Variants in OPCML observed in about 807,000 individuals in gnomAD.
OPCML encodes opioid binding protein/cell adhesion molecule like, also known as opioid-binding protein/cell adhesion molecule.
Under a neutral mutation model 37.8 loss-of-function variants are expected in OPCML, and 13 were observed. That is an observed-to-expected ratio of 0.34 (90% confidence interval 0.22 to 0.55). The LOEUF is 0.55. OPCML is among the 20% of genes least tolerant of loss of function. OPCML has a pLI of 0.91. For missense variants in OPCML, 341 were observed against 435.6 expected (o/e 0.78, Z 1.93); for synonymous variants, 176 against 168.8 (o/e 1.04, Z -0.33).
At chr11:133,236,420 A>G (rs1220142721) in intron 1 of OPCML, among the ~76,000 whole-genome samples, 1 of 152,168 alleles carries the variant, frequency 6.6e-6, no homozygotes, top group African/African-American at 2.4e-5. Flanking sequence ...ATTGACCATG[A>G]GTATCCCAAG....
chr11:132,565,432 A>G (rs1297875898), intron 3 of OPCML, among the ~76,000 whole-genome samples: 1 of 152,322 alleles, frequency 6.6e-6, no homozygotes, highest in Middle Eastern at 3.4e-3. Flanking sequence ...GTTAGCTTTC[A>G]CATGACTCCA....
chr11:132,526,670 A>T (rs1940018), intron 4 of OPCML, among the ~76,000 whole-genome samples: 62,455 of 152,016 alleles, frequency 0.41, 14,912 homozygotes, highest in Non-Finnish European at 0.55. Flanking sequence ...AATGACATAA[A>T]TAATGTTCCA....
intron 4 of OPCML, among the ~76,000 whole-genome samples, chr11:132,462,658 T>C (rs1231800954): frequency 1.3e-5 from 2 of 152,222 alleles, no homozygotes; most frequent in Non-Finnish European, 2.9e-5. Context: ...TCAATTACAT[T>C]GCATAACCTC....
chr11:133,257,152 T>C (rs1050120522), intron 1 of OPCML, among the ~76,000 whole-genome samples: 3 of 152,178 alleles, frequency 2.0e-5, no homozygotes, highest in Non-Finnish European at 4.4e-5. Context: ...ACTTAACTGT[T>C]AAAGTAAAGA....
At chr11:132,856,105 T>A (rs990245696) in intron 2 of OPCML, among the ~76,000 whole-genome samples, 1 of 152,242 alleles carries the variant, frequency 6.6e-6, no homozygotes, top group African/African-American at 2.4e-5. Flanking sequence ...TTAATCTCTT[T>A]GAGCTAATAG....
chr11:132,522,792 T>G (rs1318852724), intron 4 of OPCML, among the ~76,000 whole-genome samples: 2 of 152,192 alleles, frequency 1.3e-5, no homozygotes, highest in Non-Finnish European at 2.9e-5. Flanking sequence ...AACACCACCA[T>G]CCAACAGGGA....
At chr11:133,374,455 G>A (rs1363581516) in intron 1 of OPCML, among the ~76,000 whole-genome samples, 4 of 152,160 alleles carry the variant, frequency 2.6e-5, no homozygotes, top group Non-Finnish European at 4.4e-5. Context: ...GTTTAAATAC[G>A]TGTAGTCTAT....
intron 2 of OPCML, among the ~76,000 whole-genome samples, chr11:132,741,144 G>A (rs1945421724): frequency 6.6e-6 from 1 of 152,040 alleles, no homozygotes; most frequent in African/African-American, 2.4e-5. Context: ...AGTATATCCT[G>A]AGCCTGACAG....
chr11:132,900,284 G>A (rs35966624), intron 2 of OPCML, among the ~76,000 whole-genome samples: 39,344 of 151,908 alleles, frequency 0.26, 5,406 homozygotes, highest in East Asian at 0.35. Flanking sequence ...AAAAAATGGG[G>A]TGTCATCCTT....
intron 1 of OPCML, among the ~76,000 whole-genome samples, chr11:133,330,117 A>G (rs1327363384): frequency 6.6e-6 from 1 of 152,258 alleles, no homozygotes; most frequent in Non-Finnish European, 1.5e-5. Context: ...AGAGAAATGC[A>G]AGTCAAAACC....
chr11:133,228,327 A>G lies in OPCML; in HGVS notation c.62-285317T>C, dbSNP rs1244336604. Among the ~76,000 whole-genome samples the G allele has an allele frequency of 3.9e-5, 6 of 152,172 alleles. No individual in the cohort carries two copies. In the South Asian group the frequency reaches 1.0e-3, roughly 26 times the overall value. ...GTTTTACAGACAGAAACAGTTGGAAACCTGGAGGCCGAGGTTCATAAAGGT... is the reference window on the plus strand; with the variant it reads ...GTTTTACAGACAGAAACAGTTGGAAGCCTGGAGGCCGAGGTTCATAAAGGT... On this transcript the variant is annotated intron_variant, in intron 1 of 7. Coordinates refer to ENST00000524381, the MANE Select transcript of OPCML (RefSeq NM_001012393.5).
intron 1 of OPCML, among the ~76,000 whole-genome samples, chr11:133,233,377 A>G (rs1940366473): frequency 6.6e-6 from 1 of 152,180 alleles, no homozygotes; most frequent in Non-Finnish European, 1.5e-5. Context: ...CTTTCTGTCT[A>G]CGAGCAGGGC....
chr11:132,428,772 C>T (rs947507700), intron 7 of OPCML, among the ~76,000 whole-genome samples: 1 of 152,190 alleles, frequency 6.6e-6, no homozygotes, highest in Admixed American at 6.5e-5. Flanking sequence ...GCTCTAGGCT[C>T]TTCTTCTGTC....
chr11:133,083,795 G>A (rs1948777857), intron 1 of OPCML, among the ~76,000 whole-genome samples: 1 of 152,238 alleles, frequency 6.6e-6, no homozygotes, highest in Non-Finnish European at 1.5e-5. Flanking sequence ...TGGGCTGTGA[G>A]CGCGAGGACA....
At chr11:132,709,321 A>C (rs3018394) in intron 2 of OPCML, among the ~76,000 whole-genome samples, 89,959 of 151,822 alleles carry the variant, frequency 0.59, 26,977 homozygotes, top group Admixed American at 0.64. Flanking sequence ...TGCAACGATA[A>C]TACAGGGTGC....
chr11:133,044,299 G>T (rs1947963490), intron 1 of OPCML, among the ~76,000 whole-genome samples: 1 of 152,308 alleles, frequency 6.6e-6, no homozygotes, highest in Admixed American at 6.5e-5. Context: ...TCGAGGCAAA[G>T]GATTTCTGTA....
At chr11:132,513,400 G>C (rs2096273085) in intron 4 of OPCML, among the ~76,000 whole-genome samples, 1 of 152,048 alleles carries the variant, frequency 6.6e-6, no homozygotes, top group African/African-American at 2.4e-5. Context: ...TTGAAGATTT[G>C]AATACAGATT....
At chr11:132,542,429 C>T (rs2096358951) in intron 3 of OPCML, among the ~76,000 whole-genome samples, 1 of 152,130 alleles carries the variant, frequency 6.6e-6, no homozygotes. Flanking sequence ...CTTCCATGAC[C>T]CTTCTTCTAA....
At chr11:133,512,850 A>G (rs1036977351) in intron 1 of OPCML, among the ~76,000 whole-genome samples, 2 of 152,220 alleles carry the variant, frequency 1.3e-5, no homozygotes, top group Non-Finnish European at 2.9e-5. Context: ...TAGGATCCCT[A>G]TCTACAAGGA....
Sources: allele counts gnomAD v4.1 joint callset (sites outside exome capture counted in the v4.1 genomes callset), GRCh38; gene constraint gnomAD v4.1.1; transcripts MANE v1.5; gene names NCBI Gene and HGNC (gene_info 2026-07-23, HGNC 2026-07-21).